RBFOX1: variants seen among roughly 807,000 people sequenced by gnomAD.
RBFOX1 encodes the protein RNA binding fox-1 homolog 1, also known as RNA binding protein fox-1 homolog 1.
A neutral mutation model predicts 57.7 loss-of-function variants in RBFOX1; 8 were observed. That is an observed-to-expected ratio of 0.14 (90% confidence interval 0.08 to 0.25). RBFOX1 has a LOEUF of 0.25. Among genes scored for constraint, RBFOX1 ranks in the 10% least tolerant of loss-of-function variants. RBFOX1 has a pLI of 1.00. For synonymous variants in RBFOX1, 326 were observed against 222.4 expected (o/e 1.47, Z -4.15); for missense variants, 611 against 548.5 (o/e 1.11, Z -1.14).
intron 1 of RBFOX1, among the ~76,000 whole-genome samples, chr16:5,370,303 G>A (rs525306): frequency 0.55 from 83,515 of 151,724 alleles, 24,504 homozygotes; most frequent in Middle Eastern, 0.72. Flanking sequence ...GATCTAGACG[G>A]CATCTCCATG....
Position 7,015,723 on chromosome 16 carries a change from C to T in RBFOX1, c.-15-36334C>T, listed in dbSNP as rs142603478. 6.3e-3 allele frequency among the ~76,000 whole-genome samples: 953 copies of T among 152,070 alleles called. 12 individuals are homozygous for T. The highest frequency in any genetic ancestry group is 0.022 in the African/African-American group (907 of 41,470). ...AGTTATTCACATTTCTATTATGTTC[C>T]ATTCCATTCCCAATAATTCATTTTA... On this transcript the variant is annotated intron_variant, in intron 3 of 15. Transcript: ENST00000550418.
At chr16:6,135,578 GTTTA>G (rs1046360390) in intron 1 of RBFOX1, among the ~76,000 whole-genome samples, 63 of 151,996 alleles carry the variant, frequency 4.1e-4, no homozygotes, top group Middle Eastern at 3.4e-3. Context: ...ACATTGGTCT[GTTTA>G]TTTAGGGTTT....
intron 4 of RBFOX1, among the ~76,000 whole-genome samples, chr16:7,397,865 G>A (rs558673242): frequency 6.6e-6 from 1 of 152,100 alleles, no homozygotes; most frequent in Non-Finnish European, 1.5e-5. Context: ...TAGTCTATTG[G>A]AACCTTAGTT....
intron 3 of RBFOX1, among the ~76,000 whole-genome samples, chr16:5,638,788 G>T (rs939672399): frequency 6.6e-6 from 1 of 152,156 alleles, no homozygotes; most frequent in East Asian, 1.9e-4. Flanking sequence ...CTGAGGAAGG[G>T]AAAAGAGCAG....
chr16:7,034,271 T>A (rs897418535), intron 3 of RBFOX1, among the ~76,000 whole-genome samples: 1 of 152,154 alleles, frequency 6.6e-6, no homozygotes, highest in Admixed American at 6.5e-5. Context: ...ATAATGATAA[T>A]GACAGTATCT....
chr16:7,382,248 C>A (rs186170435), intron 4 of RBFOX1, among the ~76,000 whole-genome samples: 167 of 152,346 alleles, frequency 1.1e-3, no homozygotes, highest in African/African-American at 3.7e-3. Context: ...TCATTATTCT[C>A]AGTTCCACTA....
At chr16:7,061,183 G>T (rs1285262815) in intron 4 of RBFOX1, among the ~76,000 whole-genome samples, 1 of 152,214 alleles carries the variant, frequency 6.6e-6, no homozygotes, top group Non-Finnish European at 1.5e-5. Context: ...TCTAGAAGCT[G>T]CAGGAACTCA....
At chr16:6,311,205 A>G (rs1019719555) in intron 1 of RBFOX1, among the ~76,000 whole-genome samples, 3 of 151,184 alleles carry the variant, frequency 2.0e-5, no homozygotes, top group Non-Finnish European at 2.9e-5. Context: ...CTGAGGCAGA[A>G]GAATCTCTTG....
intron 3 of RBFOX1, among the ~76,000 whole-genome samples, chr16:7,017,748 C>A (rs959171005): frequency 6.6e-6 from 1 of 152,144 alleles, no homozygotes; most frequent in African/African-American, 2.4e-5. Flanking sequence ...GACAGGCCAA[C>A]TTCCAAACAA....
intron 1 of RBFOX1, among the ~76,000 whole-genome samples, chr16:6,157,289 C>T (rs1408125328): frequency 1.3e-5 from 2 of 151,930 alleles, no homozygotes; most frequent in Admixed American, 6.6e-5. Flanking sequence ...CCAAGGTAAG[C>T]CCAGAAACCA....
chr16:6,492,702 A>G (rs1452100628), intron 2 of RBFOX1, among the ~76,000 whole-genome samples: 1 of 152,232 alleles, frequency 6.6e-6, no homozygotes, highest in South Asian at 2.1e-4. Context: ...GTGAACAGTC[A>G]GAAGGAAACT....
intron 4 of RBFOX1, among the ~76,000 whole-genome samples, chr16:7,293,641 T>C (rs1313042284): frequency 6.6e-6 from 1 of 152,130 alleles, no homozygotes; most frequent in Non-Finnish European, 1.5e-5. Context: ...GAATTGCAAT[T>C]TGGGGACTAA....
chr16:7,515,484 C>T (rs946135555), intron 4 of RBFOX1, among the ~76,000 whole-genome samples: 2 of 152,030 alleles, frequency 1.3e-5, no homozygotes, highest in African/African-American at 2.4e-5. Flanking sequence ...CACATACACA[C>T]ACACACACAC....
chr16:6,820,534 C>G (rs186519282), intron 3 of RBFOX1, among the ~76,000 whole-genome samples: 17 of 151,736 alleles, frequency 1.1e-4, no homozygotes, highest in Admixed American at 7.9e-4. Flanking sequence ...TGGCGTGCAC[C>G]TATAGTCTCA....
chr16:5,281,719 T>C (rs2063275769), intron 1 of RBFOX1, among the ~76,000 whole-genome samples: 1 of 152,242 alleles, frequency 6.6e-6, no homozygotes, highest in Non-Finnish European at 1.5e-5. Flanking sequence ...CTTAGTCTGT[T>C]TTATCTGATG....
intron 5 of RBFOX1, among the ~76,000 whole-genome samples, chr16:7,534,595 G>C (rs1284033153): frequency 6.6e-6 from 1 of 152,098 alleles, no homozygotes; most frequent in Non-Finnish European, 1.5e-5. Context: ...GGGTAAAGTC[G>C]TTAGTGCGTC....
At chr16:7,632,139 C>G (rs960681884) in intron 11 of RBFOX1, among the ~76,000 whole-genome samples, 1 of 152,152 alleles carries the variant, frequency 6.6e-6, no homozygotes, top group Non-Finnish European at 1.5e-5. Flanking sequence ...AAAGTCCTGA[C>G]CTCAGATGAT....
intron 1 of RBFOX1, among the ~76,000 whole-genome samples, chr16:5,369,160 C>A (rs1228756503): frequency 6.6e-6 from 1 of 152,126 alleles, no homozygotes; most frequent in Non-Finnish European, 1.5e-5. Context: ...TGCCACCATG[C>A]CTGGCTAATT....
chr16:6,574,463 C>G (rs1464318147), intron 2 of RBFOX1, among the ~76,000 whole-genome samples: 1 of 126,050 alleles, frequency 7.9e-6, no homozygotes, highest in Non-Finnish European at 1.6e-5. Flanking sequence ...GAGTCTTGCT[C>G]TGTCGCTCAG....
Sources: gnomAD v4.1 joint callset for allele counts (sites outside exome capture counted in the v4.1 genomes callset) on GRCh38, gnomAD v4.1.1 for gene constraint, MANE v1.5 for transcripts, NCBI Gene and HGNC (gene_info 2026-07-23, HGNC 2026-07-21) for gene names.